CACNA1B: variants seen among roughly 807,000 people sequenced by gnomAD.
CACNA1B encodes the protein calcium voltage-gated channel subunit alpha1 B, also known as voltage-dependent N-type calcium channel subunit alpha-1B.
In CACNA1B, 70 loss-of-function variants were observed where a neutral mutation model predicts 247.2. That is an observed-to-expected ratio of 0.28 (90% CI 0.23 to 0.35). CACNA1B has a LOEUF of 0.35. Ranked by LOEUF, CACNA1B falls within the 10% of genes least tolerant of loss-of-function variation. The pLI is 1.00. For missense variants in CACNA1B, 2,367 were observed against 3,197.4 expected, an observed-to-expected ratio of 0.74 and a Z score of 6.26; for synonymous variants, 1,231 against 1,294.4, an observed-to-expected ratio of 0.95 and a Z score of 1.05.
At position 138,063,708 on chromosome 9, in the gene CACNA1B, G is replaced by A. The variant is rs552757951; in HGVS notation, c.4668+3971G>A. On this transcript the variant is annotated intron_variant, in intron 31 of 46. Coordinates refer to ENST00000371372, the MANE Select transcript of CACNA1B (RefSeq NM_000718.4). The stretch of plus-strand genomic sequence containing the variant: ...TATTAAAGATACCAAATCTCCCACA[G>A]CAGTGGGTACTGAGCCTGGGTTATC... Among the ~76,000 whole-genome samples the A allele has an allele frequency of 3.3e-4, 51 of 152,348 alleles. 1 individual carries two copies. The highest frequency in any genetic ancestry group is 1.1e-3 in the African/African-American group (47 of 41,586).
At chr9:138,078,329 C>A in intron 36 of CACNA1B, 71 bp downstream of exon 36, 4 of 1,452,732 alleles carry the variant, frequency 2.8e-6, no homozygotes, top group South Asian at 1.2e-5. Flanking sequence ...TCTCCCACAT[C>A]TCCTGCTGAT....
In CACNA1B at chr9:137,986,725, G is replaced by A; in HGVS notation, c.1902-57G>A. ...GGTTGAGGCCACGCTGGAGCCTGCA[G>A]GCGCTGCCTCGCTGCTGACGGGACT... On this transcript the variant is annotated intron_variant, in intron 14 of 46. Transcript: ENST00000371372. This position sits in a 1 kb window ranked among gnomAD's most constrained non-coding sequence, Gnocchi z 6.0. 2.0e-6 allele frequency: 3 copies of A among 1,472,840 alleles called. No individual in the cohort carries two copies. The highest frequency in any genetic ancestry group is 2.9e-6 in the Non-Finnish European group (3 of 1,051,860). The allele number at this position is 1,472,840 out of a possible 1,614,324, so 91.2% of individuals were successfully genotyped here.
chr9:138,114,681 A>T (rs1589136579), intron 41 of CACNA1B, among the ~76,000 whole-genome samples, 191 bp downstream of exon 41: 1 of 152,162 alleles, frequency 6.6e-6, no homozygotes, highest in Non-Finnish European at 1.5e-5. Flanking sequence ...TATGCTTTCC[A>T]TGAGCTGGCG....
chr9:138,119,539 C>T (rs553601526), intron 44 of CACNA1B, among the ~76,000 whole-genome samples: 62 of 152,308 alleles, frequency 4.1e-4, no homozygotes, highest in African/African-American at 1.4e-3. Context: ...CGTGGCTCGT[C>T]TCCCATCCCA....
intron 10 of CACNA1B, among the ~76,000 whole-genome samples, chr9:137,964,605 G>T (rs971006074): frequency 3.3e-5 from 5 of 152,140 alleles, no homozygotes; most frequent in East Asian, 1.9e-4. Flanking sequence ...GTTTTATCAT[G>T]ATTGTTAGCT....
intron 10 of CACNA1B, among the ~76,000 whole-genome samples, chr9:137,964,798 C>A (rs1284120585): frequency 6.6e-6 from 1 of 152,196 alleles, no homozygotes; most frequent in Non-Finnish European, 1.5e-5. Context: ...GAGTTTTAAG[C>A]ATTTTTGTGT....
intron 6 of CACNA1B, among the ~76,000 whole-genome samples, chr9:137,925,747 A>AT (rs537179531): frequency 0.021 from 2,993 of 140,840 alleles, 41 homozygotes; most frequent in African/African-American, 0.041. Flanking sequence ...CATCGTAACC[A>AT]TTTTTTTTTT....
intron 44 of CACNA1B, among the ~76,000 whole-genome samples, chr9:138,119,784 A>C (rs563732404): frequency 1.3e-5 from 2 of 152,108 alleles, no homozygotes; most frequent in Admixed American, 1.3e-4. Context: ...GGGAGGGCCT[A>C]CCCGTCCCAG....
At chr9:138,061,617 A>T (rs1191563471) in intron 31 of CACNA1B, among the ~76,000 whole-genome samples, 1 of 152,148 alleles carries the variant, frequency 6.6e-6, no homozygotes, top group African/African-American at 2.4e-5. Context: ...CCTGGCTCAC[A>T]TGCATCCCCT....
In CACNA1B at chr9:137,917,494, G is replaced by T; in HGVS notation, c.966+63G>T. The T allele has an allele frequency of 6.8e-7, 1 of 1,472,728 alleles. No homozygotes were observed. The allele number at this position is 1,472,728 out of a possible 1,614,324, so 91.2% of individuals were successfully genotyped here. A position where few individuals can be genotyped will look rare whatever the true frequency, so the allele number is the denominator to read the frequency against. ...CTGGACCTCCTGAGCTGGTGCCTCT[G>T]GGGGTCCATTTAGGGGGGCCCTTCT... On this transcript the variant is annotated intron_variant, in intron 6 of 46. Coordinates refer to ENST00000371372, the MANE Select transcript of CACNA1B (RefSeq NM_000718.4). The surrounding 1 kb of genome is among the most constrained non-coding windows in gnomAD (Gnocchi z 5.5).
At chr9:138,017,263 C>T (rs565180879) in intron 18 of CACNA1B, 1 of 509,568 alleles carries the variant, frequency 2.0e-6, no homozygotes, top group African/African-American at 1.9e-5. Context: ...CAGACACCTT[C>T]CTTCCACTCC....
intron 37 of CACNA1B, among the ~76,000 whole-genome samples, chr9:138,098,846 C>A (rs1334080154): frequency 6.6e-6 from 1 of 152,240 alleles, no homozygotes; most frequent in Non-Finnish European, 1.5e-5. Flanking sequence ...GTGAGCAACA[C>A]ATGATTCTGC....
intron 15 of CACNA1B, among the ~76,000 whole-genome samples, chr9:137,988,794 C>A (rs1456683904): frequency 6.6e-6 from 1 of 152,010 alleles, no homozygotes; most frequent in Non-Finnish European, 1.5e-5. Context: ...GGTACCTGGG[C>A]CCTTTGGAGG....
rs774395573 is a variant in CACNA1B, at chr9:137,891,895, C to T, written c.530+9012C>T. The T allele has an allele frequency of 3.0e-5, 11 of 372,720 alleles. No homozygotes were observed. The highest frequency in any genetic ancestry group is 8.5e-5 in the African/African-American group (4 of 47,292). 23.1% of individuals were successfully genotyped at this position (372,720 alleles called of 1,614,324 possible). On this transcript the variant is annotated intron_variant, in intron 3 of 46. Coordinates refer to ENST00000371372, the MANE Select transcript of CACNA1B (RefSeq NM_000718.4). This position sits in a 1 kb window ranked among gnomAD's most constrained non-coding sequence, Gnocchi z 4.3. ...CCCCACCCAGTCCCTGCCCTCTTCA[C>T]GACCCTGCTGTGAGCTCCTTTCTCC...
intron 6 of CACNA1B, among the ~76,000 whole-genome samples, chr9:137,929,740 T>A (rs1211688627): frequency 6.6e-6 from 1 of 152,050 alleles, no homozygotes; most frequent in East Asian, 1.9e-4. Flanking sequence ...GTAGCCTCAA[T>A]TTCCTGGGCT....
intron 36 of CACNA1B, among the ~76,000 whole-genome samples, chr9:138,085,945 AAC>A (rs1405838654): frequency 2.0e-5 from 3 of 151,308 alleles, no homozygotes; most frequent in Non-Finnish European, 4.4e-5. Flanking sequence ...CTATCGTGAA[AAC>A]ACACAAAAAT....
At chr9:137,993,686 C>T (rs1264350055) in intron 15 of CACNA1B, among the ~76,000 whole-genome samples, 2 of 151,926 alleles carry the variant, frequency 1.3e-5, no homozygotes, top group Admixed American at 6.6e-5. Flanking sequence ...TAACGAGTAG[C>T]GAGATTGAAA....
chr9:138,118,928 A>G (rs1246980787), intron 44 of CACNA1B, among the ~76,000 whole-genome samples, 160 bp downstream of exon 44: 2 of 152,180 alleles, frequency 1.3e-5, no homozygotes, highest in East Asian at 1.9e-4. Context: ...CACCCCGGGC[A>G]GTCCTGTCTG....
chr9:137,935,799 G>A (rs1163065486), intron 6 of CACNA1B, among the ~76,000 whole-genome samples: 3 of 151,586 alleles, frequency 2.0e-5, no homozygotes, highest in Admixed American at 6.6e-5. Flanking sequence ...TTTTTTGACG[G>A]AGTCTCACTC....
Sources: gnomAD v4.1 joint callset for allele counts (sites outside exome capture counted in the v4.1 genomes callset) on GRCh38, gnomAD v4.1.1 for gene constraint, Gnocchi (gnomAD v3.1) non-coding constraint, MANE v1.5 for transcripts, NCBI Gene and HGNC (gene_info 2026-07-23, HGNC 2026-07-21) for gene names.